Variants in DGKB observed in about 807,000 individuals in gnomAD.
The protein encoded by DGKB is 90 kDa diacylglycerol kinase.
A neutral mutation model predicts 114.3 loss-of-function variants in DGKB; 67 were observed. The ratio of observed to expected loss-of-function variants is 0.59; its 90% CI spans 0.48 to 0.72. The LOEUF (loss-of-function observed/expected upper bound fraction) is 0.72. Ranked by LOEUF, DGKB falls within the 30% of genes least tolerant of loss-of-function variation. The pLI, the probability that DGKB is intolerant of heterozygous loss-of-function variation, is 0.00. For synonymous variants in DGKB, 398 were observed against 323.1 expected, an observed-to-expected ratio of 1.23 and a Z score of -2.49; for missense variants, 907 against 975.2, an observed-to-expected ratio of 0.93 and a Z score of 0.93.
At chr7:14,563,728 G>C (rs563909804) in intron 20 of DGKB, among the ~76,000 whole-genome samples, 2 of 142,306 alleles carry the variant, frequency 1.4e-5, no homozygotes, top group African/African-American at 5.2e-5. Flanking sequence ...CATTTTTCTT[G>C]ATTCTCTATG....
chr7:14,779,400 G>A (rs912219590), intron 2 of DGKB, among the ~76,000 whole-genome samples: 3 of 152,070 alleles, frequency 2.0e-5, no homozygotes, highest in Non-Finnish European at 2.9e-5. Context: ...AGCTGGGTCT[G>A]GTGGCACATG....
In DGKB at chr7:14,668,726, T is replaced by C. The variant is rs572347369; in HGVS notation, c.1134+4203A>G. Reference sequence around the variant, plus strand: ...AATTTACAATGTACTATTTCTAAAATCTATTACTGTACCTCATATTTAATG... The same window carrying C: ...AATTTACAATGTACTATTTCTAAAACCTATTACTGTACCTCATATTTAATG... On this transcript the variant is annotated intron_variant, in intron 13 of 25. Transcript: ENST00000402815. Among the ~76,000 whole-genome samples the C allele has an allele frequency of 5.9e-5, 9 of 152,198 alleles. No individual in the cohort carries two copies. The South Asian group carries it at 1.2e-3, about 21-fold the overall frequency.
At chr7:14,318,922 T>C (rs1265335593) in intron 23 of DGKB, among the ~76,000 whole-genome samples, 1 of 151,918 alleles carries the variant, frequency 6.6e-6, no homozygotes, top group Non-Finnish European at 1.5e-5. Context: ...ATTAAGAAAA[T>C]GTGGCACATA....
At chr7:14,332,037 A>G (rs949479628) in intron 23 of DGKB, among the ~76,000 whole-genome samples, 8 of 152,212 alleles carry the variant, frequency 5.3e-5, no homozygotes, top group African/African-American at 1.9e-4. Context: ...GATGAAGAAT[A>G]AAAACAATGT....
At chr7:14,540,847 C>T (rs1177757753) in intron 20 of DGKB, among the ~76,000 whole-genome samples, 1 of 152,046 alleles carries the variant, frequency 6.6e-6, no homozygotes, top group African/African-American at 2.4e-5. Context: ...GTTAGCTGAA[C>T]ATGTTCTGAG....
At chr7:14,401,560 T>C (rs1486412143) in intron 21 of DGKB, among the ~76,000 whole-genome samples, 1 of 151,878 alleles carries the variant, frequency 6.6e-6, no homozygotes, top group Non-Finnish European at 1.5e-5. Context: ...CTGACAGGAA[T>C]AGTGGGATGT....
intron 21 of DGKB, among the ~76,000 whole-genome samples, chr7:14,358,704 T>A (rs780806262): frequency 1.3e-5 from 2 of 152,082 alleles, no homozygotes; most frequent in Non-Finnish European, 2.9e-5. Context: ...CATTAACAAT[T>A]GCTACAAAGA....
chr7:14,727,701 G>T (rs1434453596), intron 5 of DGKB, among the ~76,000 whole-genome samples: 12 of 152,118 alleles, frequency 7.9e-5, no homozygotes, highest in African/African-American at 2.9e-4. Context: ...TATGTAGTCT[G>T]TTCAGTTTGT....
At chr7:14,904,808 T>G (rs976246888), upstream of DGKB, among the ~76,000 whole-genome samples, 2 of 152,168 alleles carry the variant, frequency 1.3e-5, no homozygotes, top group South Asian at 4.1e-4. Context: ...ATTAATATTA[T>G]TAACAGTCTG....
At chr7:14,552,778 A>T (rs1795287553) in intron 20 of DGKB, among the ~76,000 whole-genome samples, 1 of 152,244 alleles carries the variant, frequency 6.6e-6, no homozygotes, top group Non-Finnish European at 1.5e-5. Flanking sequence ...GCTATCACAA[A>T]ATATGGATTC....
intron 23 of DGKB, among the ~76,000 whole-genome samples, chr7:14,299,378 T>A (rs79796772): frequency 1.5e-3 from 234 of 152,244 alleles, no homozygotes; most frequent in Admixed American, 2.5e-3. Context: ...CCTTCCCCAA[T>A]GTATCACAAT....
intron 17 of DGKB, among the ~76,000 whole-genome samples, chr7:14,588,292 C>T (rs1563603420): frequency 6.6e-6 from 1 of 151,838 alleles, no homozygotes; most frequent in East Asian, 1.9e-4. Flanking sequence ...ATATCTTCTA[C>T]AAATTTAAAG....
intron 2 of DGKB, among the ~76,000 whole-genome samples, chr7:14,829,625 T>C (rs1846144651): frequency 6.6e-6 from 1 of 152,014 alleles, no homozygotes; most frequent in South Asian, 2.1e-4. Flanking sequence ...CTTTGAGGGA[T>C]TGCGTGAAGC....
chr7:14,490,550 C>G (rs995172219), intron 20 of DGKB, among the ~76,000 whole-genome samples: 10 of 152,138 alleles, frequency 6.6e-5, no homozygotes, highest in African/African-American at 2.4e-4. Context: ...TTACCACCAC[C>G]TTACTCACAG....
chr7:14,483,669 G>A (rs1016040843), intron 20 of DGKB, among the ~76,000 whole-genome samples: 1 of 152,040 alleles, frequency 6.6e-6, no homozygotes, highest in Admixed American at 6.6e-5. Context: ...TTAATAATTT[G>A]GTGATGAGAA....
chr7:14,499,904 C>T (rs1016911986), intron 20 of DGKB, among the ~76,000 whole-genome samples: 4 of 151,766 alleles, frequency 2.6e-5, no homozygotes, highest in African/African-American at 4.8e-5. Context: ...AGACCCGTGG[C>T]TCATCCCAGC....
intron 23 of DGKB, among the ~76,000 whole-genome samples, chr7:14,261,684 A>G (rs929364441): frequency 2.0e-5 from 3 of 152,214 alleles, no homozygotes; most frequent in African/African-American, 7.2e-5. Context: ...AAATGGATAT[A>G]GGAAAGAAAC....
intron 13 of DGKB, among the ~76,000 whole-genome samples, chr7:14,647,356 C>A (rs1346707343): frequency 2.6e-5 from 4 of 152,078 alleles, no homozygotes; most frequent in African/African-American, 4.8e-5. Flanking sequence ...ACAACAACAA[C>A]AACAAGGCCC....
At chr7:14,227,414 T>G (rs1458958622) in intron 23 of DGKB, among the ~76,000 whole-genome samples, 1 of 152,028 alleles carries the variant, frequency 6.6e-6, no homozygotes, top group Non-Finnish European at 1.5e-5. Context: ...GATAAATCTA[T>G]GAGAAACAGC....
Sources: gnomAD v4.1 joint callset for allele counts (sites outside exome capture counted in the v4.1 genomes callset) on GRCh38, gnomAD v4.1.1 for gene constraint, MANE v1.5 for transcripts, NCBI Gene and HGNC (gene_info 2026-07-23, HGNC 2026-07-21) for gene names.